Variants in ASIP observed in about 807,000 individuals in gnomAD.
ASIP encodes the protein agouti signaling protein.
ASIP carries 11 observed loss-of-function variants against 10.3 expected under a neutral mutation model. That is an observed-to-expected ratio of 1.07 (90% CI 0.68 to 1.78). The LOEUF (loss-of-function observed/expected upper bound fraction) is 1.78. Among genes scored for constraint, ASIP ranks in the 40% most tolerant of loss-of-function variants. The probability of loss-of-function intolerance (pLI) is 0.00; values close to 1 mark genes in which losing one functional copy is unlikely to be tolerated. For synonymous variants in ASIP, 70 were observed against 70.8 expected, an observed-to-expected ratio of 0.99 and a Z score of 0.06; for missense variants, 180 against 169.2, an observed-to-expected ratio of 1.06 and a Z score of -0.35.
chr20:34,267,099 G>C (rs1030309160), intron 3 of ASIP, among the ~76,000 whole-genome samples: 2 of 152,100 alleles, frequency 1.3e-5, no homozygotes, highest in Non-Finnish European at 1.5e-5. Flanking sequence ...ATATATAACT[G>C]ACAAATATAT....
intron 1 of ASIP, among the ~76,000 whole-genome samples, chr20:34,207,767 C>T (rs188190777): frequency 9.4e-5 from 14 of 149,318 alleles, no homozygotes; most frequent in African/African-American, 2.2e-4. Flanking sequence ...TTTCCAGCAC[C>T]ATTTATTTAT....
At chr20:34,223,067 G>A (rs937842490) in intron 1 of ASIP, among the ~76,000 whole-genome samples, 2 of 152,034 alleles carry the variant, frequency 1.3e-5, no homozygotes, top group African/African-American at 4.8e-5. Flanking sequence ...GGGAAGTGAG[G>A]AGTGTCTCTG....
At chr20:34,213,352 C>A (rs972919665) in intron 1 of ASIP, 11 of 535,088 alleles carry the variant, frequency 2.1e-5, no homozygotes, top group African/African-American at 1.9e-4. Context: ...TTTATAGCAG[C>A]ACAAAACAGT....
intron 2 of ASIP, among the ~76,000 whole-genome samples, chr20:34,260,782 T>C (rs1307929038): frequency 6.6e-6 from 1 of 152,256 alleles, no homozygotes; most frequent in African/African-American, 2.4e-5. Flanking sequence ...AGACACTTGG[T>C]GAACTTTGTT....
intron 1 of ASIP, among the ~76,000 whole-genome samples, chr20:34,253,338 C>T (rs977183967): frequency 1.3e-4 from 19 of 151,762 alleles, no homozygotes; most frequent in Non-Finnish European, 2.2e-4. Flanking sequence ...GATCTCCTGA[C>T]CTCATGATCC....
Position 34,268,911 on chromosome 20 carries a change from C to A in ASIP, c.223-80C>A, listed in dbSNP as rs2035837414. 2.6e-6 allele frequency: 4 copies of A among 1,518,850 alleles called. No homozygotes were observed. The East Asian group carries it at 7.4e-5, about 28-fold the overall frequency. 94.1% of individuals were successfully genotyped at this position (1,518,850 alleles called of 1,614,324 possible). ...AACCTCTGGTCCGGGATCTCCCTAGCCCGAGGAGCTCCCAGGCAGAGGTGA... is the reference window on the plus strand; with the variant it reads ...AACCTCTGGTCCGGGATCTCCCTAGACCGAGGAGCTCCCAGGCAGAGGTGA... On this transcript the variant is annotated intron_variant, in intron 3 of 3. Transcript: ENST00000374954.
At chr20:34,215,038 A>G in intron 1 of ASIP, 1 of 1,486,026 alleles carries the variant, frequency 6.7e-7, no homozygotes, top group Non-Finnish European at 9.4e-7. Flanking sequence ...AAAGAAGTCA[A>G]CATCTTCTTC....
intron 1 of ASIP, among the ~76,000 whole-genome samples, chr20:34,195,561 G>A (rs1601566821): frequency 6.6e-6 from 1 of 152,186 alleles, no homozygotes; most frequent in African/African-American, 2.4e-5. Context: ...GGAATGGTGG[G>A]CCCATTACAG....
intron 1 of ASIP, among the ~76,000 whole-genome samples, chr20:34,247,738 T>C (rs2035404103): frequency 6.6e-6 from 1 of 152,110 alleles, no homozygotes. Context: ...CCTCCCAAGA[T>C]AGCTGAAACT....
chr20:34,258,911 T>C (rs1403807230), intron 1 of ASIP, among the ~76,000 whole-genome samples: 5 of 129,536 alleles, frequency 3.9e-5, no homozygotes, highest in African/African-American at 1.3e-4. Context: ...TATATATATA[T>C]ACACACATAC....
chr20:34,213,581 G>A, intron 1 of ASIP: 2 of 1,551,450 alleles, frequency 1.3e-6, no homozygotes, highest in Non-Finnish European at 1.8e-6. Flanking sequence ...AACATCTGTT[G>A]TAAAAACGGG....
At chr20:34,243,957 C>G (rs1022980114) in intron 1 of ASIP, among the ~76,000 whole-genome samples, 7 of 152,048 alleles carry the variant, frequency 4.6e-5, no homozygotes, top group African/African-American at 1.7e-4. Context: ...CCCAGCTACT[C>G]AGGAGGCTGA....
upstream of ASIP, chr20:34,194,490 T>C (rs1489160709): frequency 6.6e-6 from 1 of 151,534 alleles, no homozygotes; most frequent in Non-Finnish European, 1.5e-5. Context: ...ATTTAAATTT[T>C]ATTTCAAATC....
chr20:34,212,686 T>C (rs2034982162), intron 1 of ASIP, among the ~76,000 whole-genome samples: 1 of 152,176 alleles, frequency 6.6e-6, no homozygotes, highest in Admixed American at 6.5e-5. Context: ...ATTGACATTT[T>C]TGAGGAAAAA....
At chr20:34,236,619 G>A (rs146087435), upstream of ASIP, among the ~76,000 whole-genome samples, 12 of 152,210 alleles carry the variant, frequency 7.9e-5, no homozygotes, top group Non-Finnish European at 1.3e-4. Context: ...GGGAGTCTGG[G>A]GTGGGAGAAT....
chr20:34,269,139 C>T lies in ASIP; in HGVS notation c.371C>T (p.Ser124Phe), dbSNP rs1405711273. Residue 124 changes from serine to phenylalanine, a missense_variant, in exon 4 of 4, where the codon TCC becomes TTC. Ser to Phe is a radical substitution (Grantham distance 155, BLOSUM62 -2). Coordinates refer to ENST00000374954, the MANE Select transcript of ASIP (RefSeq NM_001672.3). ...TGCCGCTTCTTCCGCAGCGCCTGCT[C>T]CTGCCGCGTGCTCAGCCTCAACTGC... ...CQCRFFRSACSCRVLSLNC is the reference protein window; with the variant it reads ...CQCRFFRSACFCRVLSLNC The T allele has an allele frequency of 6.5e-7, 1 of 1,549,904 alleles. No individual in the cohort carries two copies. Among genetic ancestry groups the T allele is most frequent in the Non-Finnish European group, 8.7e-7 (1 of 1,147,124 alleles).
In ASIP at chr20:34,208,656, C is replaced by T. The variant is rs1188730251; in HGVS notation, c.-11+13896C>T. 2.6e-5 allele frequency among the ~76,000 whole-genome samples: 4 copies of T among 152,316 alleles called. No homozygotes were observed. In the East Asian group the frequency reaches 7.7e-4, roughly 29 times the overall value. On this transcript the variant is annotated intron_variant, in intron 1 of 3. Coordinates refer to the ASIP transcript ENST00000568305. ...ACATGAGCGATACACAGCACCTGGC[C>T]TTCACTGGTGTGTAGATAAGGACTG...
upstream of ASIP, among the ~76,000 whole-genome samples, chr20:34,189,927 C>T (rs571265621): frequency 4.6e-4 from 70 of 152,272 alleles, no homozygotes; most frequent in South Asian, 0.013. Flanking sequence ...CAGCTCGGTC[C>T]GGTGGACTGC....
rs544940121 is a variant in ASIP at position 34,223,852 on chromosome 20, CTT to C, written c.-11+29095_-11+29096del. ...TGTAGAAAGAAGTAGACATGGGAGACTTTTCATTTTGTTCTGCACTAAGAAAA... is the reference window on the plus strand; with the variant it reads ...TGTAGAAAGAAGTAGACATGGGAGACTTCATTTTGTTCTGCACTAAGAAAA... On this transcript the variant is annotated intron_variant, in intron 1 of 3. Transcript: ENST00000568305. Among the ~76,000 whole-genome samples, 864 of 104,978 alleles carry C rather than the reference CTT, an allele frequency of 8.2e-3. 3 individuals are homozygous for C. The highest frequency in any genetic ancestry group is 0.034 in the Middle Eastern group (9 of 264). 68.9% of individuals were successfully genotyped at this position (104,978 alleles called of 152,430 possible). A position where few individuals can be genotyped will look rare whatever the true frequency, so the allele number is the denominator to read the frequency against.
Sources: allele counts gnomAD v4.1 joint callset (sites outside exome capture counted in the v4.1 genomes callset), GRCh38; gene constraint gnomAD v4.1.1; transcripts MANE v1.5; gene names NCBI Gene and HGNC (gene_info 2026-07-23, HGNC 2026-07-21).